ANTXR2: variants seen among roughly 807,000 people sequenced by gnomAD.
ANTXR2 encodes ANTXR cell adhesion molecule 2.
ANTXR2 carries 44 observed loss-of-function variants against 73.7 expected under a neutral mutation model. The ratio of observed to expected loss-of-function variants is 0.60; its 90% CI spans 0.47 to 0.77. The LOEUF (loss-of-function observed/expected upper bound fraction) is 0.77. Among genes scored for constraint, ANTXR2 ranks in the 30% least tolerant of loss-of-function variants. The pLI is 0.00. For missense variants in ANTXR2, 604 were observed against 592.5 expected (o/e 1.02, Z -0.20); for synonymous variants, 217 against 205.9 (o/e 1.05, Z -0.46).
At chr4:80,062,196 T>C (rs144156067) in intron 3 of ANTXR2, among the ~76,000 whole-genome samples, 30 of 152,334 alleles carry the variant, frequency 2.0e-4, no homozygotes, top group African/African-American at 6.5e-4. Context: ...GTAGCAGTCA[T>C]AGATCCAGAA....
intron 12 of ANTXR2, among the ~76,000 whole-genome samples, chr4:79,985,192 C>CA (rs1233503330): frequency 7.3e-5 from 11 of 150,914 alleles, no homozygotes; most frequent in Admixed American, 2.0e-4. Flanking sequence ...ACTAAAAATA[C>CA]AAAAAAAATT....
At chr4:79,915,862 C>CTCTCTCTATATA (rs377006532) in intron 16 of ANTXR2, among the ~76,000 whole-genome samples, 6 of 123,878 alleles carry the variant, frequency 4.8e-5, no homozygotes, top group African/African-American at 1.8e-4. Context: ...CTCTCTCTCT[C>CTCTCTCTATATA]TATATATATA....
At chr4:79,951,405 C>T (rs1466814559) in intron 16 of ANTXR2, among the ~76,000 whole-genome samples, 1 of 151,956 alleles carries the variant, frequency 6.6e-6, no homozygotes, top group Non-Finnish European at 1.5e-5. Flanking sequence ...CATGGTGAAA[C>T]CCTGTCTCTA....
At chr4:79,950,192 A>G (rs938699324) in intron 16 of ANTXR2, among the ~76,000 whole-genome samples, 4 of 152,136 alleles carry the variant, frequency 2.6e-5, no homozygotes, top group African/African-American at 9.7e-5. Context: ...AAACTACTAT[A>G]TCATCTCTAT....
Position 80,072,804 on chromosome 4 carries a change from G to A in ANTXR2, c.-244C>T. ...GCCGGAACTCTTGACGAATCCCAGT[G>A]GAAGCGCGATCCAGTCCTCCCCCTC... On this transcript the variant is annotated 5_prime_UTR_variant, in exon 1 of 17. Transcript: ENST00000403729. 1 of 1,038,770 alleles carries A rather than the reference G, an allele frequency of 9.6e-7. No individual in the cohort carries two copies. Among genetic ancestry groups the A allele is most frequent in the Non-Finnish European group, 1.3e-6 (1 of 799,954 alleles). The allele number at this position is 1,038,770 out of a possible 1,614,324, so 64.3% of individuals were successfully genotyped here.
At chr4:79,960,760 C>T (rs1729109975) in intron 16 of ANTXR2, among the ~76,000 whole-genome samples, 1 of 151,350 alleles carries the variant, frequency 6.6e-6, no homozygotes, top group African/African-American at 2.4e-5. Context: ...ATTCAGAGTA[C>T]AATTAGTGGA....
rs1377599458 is a variant in ANTXR2, at chr4:79,987,943, A to T, written c.1042-3080T>A. On this transcript the variant is annotated intron_variant, in intron 12 of 16. Transcript: ENST00000403729. ...CTAAGGGAATCCATTACTATCAGTT[A>T]TGTTTACAAGAGGTCCTAAAGGGAG... Among the ~76,000 whole-genome samples, 5 of 152,134 alleles carry T rather than the reference A, an allele frequency of 3.3e-5. No individual in the cohort carries two copies. The East Asian group carries it at 7.7e-4, about 23-fold the overall frequency.
chr4:80,053,613 C>T (rs1370872222), intron 7 of ANTXR2, among the ~76,000 whole-genome samples: 3 of 151,532 alleles, frequency 2.0e-5, no homozygotes, highest in Non-Finnish European at 3.0e-5. Flanking sequence ...TACTTAATAG[C>T]AACTGTTCCC....
chr4:79,961,169 T>C (rs1025385740), intron 16 of ANTXR2, among the ~76,000 whole-genome samples: 1 of 152,050 alleles, frequency 6.6e-6, no homozygotes, highest in African/African-American at 2.4e-5. Context: ...TTAACACATG[T>C]AGAATAATGT....
At chr4:80,054,241 G>A in intron 7 of ANTXR2, 31 bp downstream of exon 7, 2 of 1,516,214 alleles carry the variant, frequency 1.3e-6, no homozygotes, top group African/African-American at 1.4e-5. Flanking sequence ...ACAAGGTTAT[G>A]AGCCCTTCCT....
intron 10 of ANTXR2, among the ~76,000 whole-genome samples, chr4:80,025,273 G>A (rs12646109): frequency 0.2 from 30,209 of 152,056 alleles, 3,785 homozygotes; most frequent in East Asian, 0.64. Context: ...AATGTCTAAA[G>A]ATGCATGACT....
At chr4:80,058,012 T>C (rs1368011710) in intron 3 of ANTXR2, among the ~76,000 whole-genome samples, 2 of 152,066 alleles carry the variant, frequency 1.3e-5, no homozygotes, top group Admixed American at 6.6e-5. Flanking sequence ...TGATTGTGTC[T>C]GAATGCAGAT....
chr4:80,003,910 T>C (rs1394385103), intron 12 of ANTXR2, among the ~76,000 whole-genome samples: 3 of 152,090 alleles, frequency 2.0e-5, no homozygotes, highest in African/African-American at 7.2e-5. Flanking sequence ...ACAGATGGCA[T>C]TTACCTAGAA....
At chr4:80,061,229 A>G (rs1734235633) in intron 3 of ANTXR2, among the ~76,000 whole-genome samples, 1 of 152,068 alleles carries the variant, frequency 6.6e-6, no homozygotes, top group Non-Finnish European at 1.5e-5. Flanking sequence ...GACTGAAGTA[A>G]ATAAATCGTA....
At chr4:79,936,849 T>C (rs527236475) in intron 16 of ANTXR2, among the ~76,000 whole-genome samples, 3 of 152,194 alleles carry the variant, frequency 2.0e-5, no homozygotes, top group South Asian at 4.1e-4. Flanking sequence ...ACTACACTAG[T>C]AGTACCACAC....
intron 16 of ANTXR2, among the ~76,000 whole-genome samples, chr4:79,964,406 C>T (rs187375626): frequency 6.6e-6 from 1 of 152,274 alleles, no homozygotes; most frequent in East Asian, 1.9e-4. Context: ...ACTCCTGCTG[C>T]GGACTCCGGC....
intron 16 of ANTXR2, among the ~76,000 whole-genome samples, chr4:79,974,236 C>T (rs984216879): frequency 6.6e-6 from 1 of 151,816 alleles, no homozygotes; most frequent in African/African-American, 2.4e-5. Context: ...GGTAAGAAAA[C>T]ATCAGAAGTA....
intron 3 of ANTXR2, among the ~76,000 whole-genome samples, chr4:80,056,688 A>G (rs1487010730): frequency 2.0e-5 from 3 of 151,912 alleles, no homozygotes; most frequent in Non-Finnish European, 2.9e-5. Context: ...TTAGAAGGTA[A>G]TGAATCCTTG....
intron 9 of ANTXR2, 39 bp downstream of exon 9, chr4:80,033,433 G>A (rs1004752286): frequency 1.4e-6 from 2 of 1,459,886 alleles, no homozygotes; most frequent in African/African-American, 2.9e-5. Context: ...GATGTGCTTT[G>A]CAGAGATTAA....
Sources: gnomAD v4.1 joint callset for allele counts (sites outside exome capture counted in the v4.1 genomes callset) on GRCh38, gnomAD v4.1.1 for gene constraint, MANE v1.5 for transcripts, NCBI Gene and HGNC (gene_info 2026-07-23, HGNC 2026-07-21) for gene names.